ADAM22: variants seen among roughly 807,000 people sequenced by gnomAD.
ADAM22 encodes disintegrin and metalloproteinase domain-containing protein 22.
A neutral mutation model predicts 144.6 loss-of-function variants in ADAM22; 65 were observed. That is an observed-to-expected ratio of 0.45 (90% CI 0.37 to 0.55). The LOEUF is 0.55. Ranked by LOEUF, ADAM22 falls within the 20% of genes least tolerant of loss-of-function variation. The pLI is 0.00. For synonymous variants in ADAM22, 391 were observed against 412.6 expected, an observed-to-expected ratio of 0.95 and a Z score of 0.63; for missense variants, 974 against 1,184.9, an observed-to-expected ratio of 0.82 and a Z score of 2.61.
At chr7:88,042,281 A>C (rs1018643208) in intron 3 of ADAM22, among the ~76,000 whole-genome samples, 8 of 152,146 alleles carry the variant, frequency 5.3e-5, no homozygotes, top group African/African-American at 1.9e-4. Context: ...AAAATTTATA[A>C]ATTTTCCAAA....
intron 3 of ADAM22, among the ~76,000 whole-genome samples, chr7:88,057,098 C>G (rs1161356840): frequency 6.6e-6 from 1 of 151,422 alleles, no homozygotes; most frequent in East Asian, 2.0e-4. Context: ...GTAGGATTTG[C>G]TTTTAATGTC....
At chr7:87,987,601 T>A (rs375247463) in intron 3 of ADAM22, among the ~76,000 whole-genome samples, 4 of 152,242 alleles carry the variant, frequency 2.6e-5, no homozygotes, top group South Asian at 4.1e-4. Context: ...GTAATTTGTT[T>A]ATGATATGGC....
At chr7:88,115,032 G>C (rs1827394491) in intron 6 of ADAM22, among the ~76,000 whole-genome samples, 1 of 151,640 alleles carries the variant, frequency 6.6e-6, no homozygotes, top group Non-Finnish European at 1.5e-5. Context: ...GTGGGCATGA[G>C]GTCAGGAGTT....
At position 87,934,353 on chromosome 7, in the gene ADAM22, G is replaced by A. The variant is rs1054814223; in HGVS notation, c.-113G>A. ...CACGGCCGCCGCAGCACCGGCCGGG[G>A]CTGGGTGGAGGTGGCCGCGGGGACC... On this transcript the variant is annotated 5_prime_UTR_variant, in exon 1 of 32. Transcript: ENST00000413139. 2.1e-6 allele frequency: 2 copies of A among 974,596 alleles called. No individual in the cohort carries two copies. Among genetic ancestry groups the A allele is most frequent in the Admixed American group, 4.9e-5 (2 of 40,652 alleles). The allele number at this position is 974,596 out of a possible 1,614,324, so 60.4% of individuals were successfully genotyped here. A position where few individuals can be genotyped will look rare whatever the true frequency, so the allele number is the denominator to read the frequency against.
rs908629266 is a variant in ADAM22, at chr7:88,201,821, A to G, written c.*5330A>G. 2.6e-5 allele frequency: 4 copies of G among 152,206 alleles called. No individual in the cohort carries two copies. The highest frequency in any genetic ancestry group is 9.6e-5 in the African/African-American group (4 of 41,458). 9.4% of individuals were successfully genotyped at this position (152,206 alleles called of 1,614,324 possible). On this transcript the variant is annotated 3_prime_UTR_variant, in exon 32 of 32. Coordinates refer to ENST00000413139, the MANE Select transcript of ADAM22 (RefSeq NM_001324418.2). ...AATGCACATACAGAATCATCAATAAAGTTTCAAAGAGTTTATGAAGAAAAG... is the reference window on the plus strand; with the variant it reads ...AATGCACATACAGAATCATCAATAAGGTTTCAAAGAGTTTATGAAGAAAAG...
intron 3 of ADAM22, among the ~76,000 whole-genome samples, chr7:87,985,206 G>A (rs777083838): frequency 3.3e-5 from 5 of 151,470 alleles, no homozygotes; most frequent in African/African-American, 7.3e-5. Flanking sequence ...CCGGTTACTC[G>A]GGAGGCTGAG....
At chr7:88,144,580 A>G (rs1835784685) in intron 15 of ADAM22, among the ~76,000 whole-genome samples, 1 of 152,168 alleles carries the variant, frequency 6.6e-6, no homozygotes, top group South Asian at 2.1e-4. Flanking sequence ...TCAGAAGGAG[A>G]TATAGTAATA....
At chr7:88,120,431 G>C in intron 7 of ADAM22, among the ~76,000 whole-genome samples, 1 of 151,708 alleles carries the variant, frequency 6.6e-6, no homozygotes, top group East Asian at 1.9e-4. Context: ...TTCCAAAGTG[G>C]GTACACTCTT....
chr7:87,944,837 T>C (rs1033334700), intron 2 of ADAM22, among the ~76,000 whole-genome samples: 1 of 151,556 alleles, frequency 6.6e-6, no homozygotes, highest in African/African-American at 2.4e-5. Context: ...TTTTGTTTTT[T>C]TTTTTTTAGT....
intron 3 of ADAM22, among the ~76,000 whole-genome samples, chr7:87,979,554 T>C (rs1454636116): frequency 6.6e-6 from 1 of 152,156 alleles, no homozygotes; most frequent in African/African-American, 2.4e-5. Context: ...GTCAAAAAAG[T>C]TTGACTACCA....
intron 9 of ADAM22, among the ~76,000 whole-genome samples, chr7:88,130,024 C>A (rs1336162011): frequency 6.6e-6 from 1 of 152,030 alleles, no homozygotes; most frequent in African/African-American, 2.4e-5. Flanking sequence ...TGTCTATACC[C>A]CTACTTAGAT....
intron 4 of ADAM22, 83 bp from the exon 5 acceptor site, chr7:88,108,093 T>C (rs1356787311): frequency 3.0e-6 from 3 of 1,006,574 alleles, no homozygotes; most frequent in East Asian, 4.9e-5. Context: ...TGGAGGTGCA[T>C]TGTGAGTAGA....
Position 88,015,191 on chromosome 7 carries a change from C to CAGTT in ADAM22, c.323+36782_323+36785dup, listed in dbSNP as rs939541229. On this transcript the variant is annotated intron_variant, in intron 3 of 31. Coordinates refer to ENST00000413139, the MANE Select transcript of ADAM22 (RefSeq NM_001324418.2). ...AGAACTTTAACAACCATTTAAGAAG[C>CAGTT]AGTTAGGGGTTAAAGATGATTGAGT... Among the ~76,000 whole-genome samples, 97 of 152,222 alleles carry CAGTT rather than the reference C, an allele frequency of 6.4e-4. 1 individual carries two copies. Among genetic ancestry groups the CAGTT allele is most frequent in the African/African-American group, 2.3e-3 (96 of 41,530 alleles).
chr7:88,088,598 C>G (rs1416894617), intron 4 of ADAM22, among the ~76,000 whole-genome samples: 1 of 151,774 alleles, frequency 6.6e-6, no homozygotes, highest in Non-Finnish European at 1.5e-5. Context: ...ACAGATGCCT[C>G]CCTGGCTAAC....
At chr7:88,025,250 GCTC>G (rs776793025) in intron 3 of ADAM22, among the ~76,000 whole-genome samples, 49 of 152,284 alleles carry the variant, frequency 3.2e-4, no homozygotes, top group Non-Finnish European at 5.3e-4. Context: ...AGTTGTTTGA[GCTC>G]CTTGTGTATT....
intron 3 of ADAM22, among the ~76,000 whole-genome samples, chr7:88,066,562 G>T (rs1402931951): frequency 1.3e-5 from 2 of 152,040 alleles, no homozygotes; most frequent in Non-Finnish European, 1.5e-5. Flanking sequence ...TTCTAAGCTG[G>T]AGAAACATCA....
At chr7:88,070,370 T>A (rs1468628106) in intron 3 of ADAM22, among the ~76,000 whole-genome samples, 1 of 152,178 alleles carries the variant, frequency 6.6e-6, no homozygotes, top group African/African-American at 2.4e-5. Flanking sequence ...TTTACATAGA[T>A]GATTTGGTAA....
At chr7:87,978,227 A>G in intron 2 of ADAM22, 109 bp from the exon 3 acceptor site, 1 of 855,742 alleles carries the variant, frequency 1.2e-6, no homozygotes, top group Non-Finnish European at 1.8e-6. Flanking sequence ...TCCATGTTGA[A>G]TTATTTTCTT....
At chr7:87,982,068 T>TATATATATATATATATATATACACAC (rs1244517564) in intron 3 of ADAM22, among the ~76,000 whole-genome samples, 1 of 93,720 alleles carries the variant, frequency 1.1e-5, no homozygotes, top group East Asian at 3.8e-4. Context: ...TATATATATA[T>TATATATATATATATATATATACACAC]ACACACACAC....
Sources: gnomAD v4.1 joint callset for allele counts (sites outside exome capture counted in the v4.1 genomes callset) on GRCh38, gnomAD v4.1.1 for gene constraint, MANE v1.5 for transcripts, NCBI Gene and HGNC (gene_info 2026-07-23, HGNC 2026-07-21) for gene names.